Variants in PXDNL observed in about 807,000 individuals in gnomAD.
The protein encoded by PXDNL is peroxidasin like.
A neutral mutation model predicts 150.8 loss-of-function variants in PXDNL; 145 were observed. The ratio of observed to expected loss-of-function variants is 0.96; its 90% CI spans 0.84 to 1.10. The LOEUF (loss-of-function observed/expected upper bound fraction) is 1.10. PXDNL is among the 50% of genes least tolerant of loss of function. The pLI is 0.00. For missense variants in PXDNL, 2,087 were observed against 1,873.9 expected (o/e 1.11, Z -2.10); for synonymous variants, 757 against 725.7 (o/e 1.04, Z -0.69).
intron 1 of PXDNL, among the ~76,000 whole-genome samples, chr8:51,768,753 A>G (rs1466601168): frequency 1.3e-5 from 2 of 152,228 alleles, no homozygotes; most frequent in Non-Finnish European, 2.9e-5. Context: ...TGGTATGTCC[A>G]ACAACCACCA....
intron 1 of PXDNL, among the ~76,000 whole-genome samples, chr8:51,763,344 T>C (rs1467411630): frequency 7.2e-6 from 1 of 139,732 alleles, no homozygotes; most frequent in African/African-American, 2.6e-5. Context: ...AGAACCAAAA[T>C]GGCGGAGTAT....
chr8:51,498,889 G>A (rs150338464), intron 5 of PXDNL, among the ~76,000 whole-genome samples: 16 of 152,210 alleles, frequency 1.1e-4, no homozygotes, highest in African/African-American at 2.6e-4. Context: ...ACATCCATCC[G>A]TGTTGCAGTA....
In PXDNL at chr8:51,339,718, C is replaced by G. The variant is rs779767716; in HGVS notation, c.4052G>C (p.Arg1351Thr). 1.9e-6 allele frequency: 3 copies of G among 1,613,474 alleles called. No individual in the cohort carries two copies. Among genetic ancestry groups the G allele is most frequent in the East Asian group, 2.2e-5 (1 of 44,856 alleles). Residue 1351 changes from arginine to threonine, a missense_variant, in exon 21 of 23, where the codon AGA (arginine) becomes ACA (threonine). Coordinates refer to ENST00000356297, the MANE Select transcript of PXDNL (RefSeq NM_144651.5). ...TGTTTTTGCCAGAACTGTCACATTTCTAGCATCTTCACCCACATATATTTT... is the reference window on the plus strand; with the variant it reads ...TGTTTTTGCCAGAACTGTCACATTTGTAGCATCTTCACCCACATATATTTT... Reference protein sequence around the residue: ...QDKIYVGEDARNVTVLAKTKF... With the variant: ...QDKIYVGEDATNVTVLAKTKF...
intron 5 of PXDNL, among the ~76,000 whole-genome samples, chr8:51,495,873 C>T (rs1399048728): frequency 1.3e-5 from 2 of 152,176 alleles, no homozygotes; most frequent in African/African-American, 4.8e-5. Context: ...TGGTACCATT[C>T]CTTCTGAAAC....
intron 1 of PXDNL, among the ~76,000 whole-genome samples, chr8:51,700,201 A>T (rs1462709526): frequency 6.6e-6 from 1 of 150,938 alleles, no homozygotes; most frequent in Non-Finnish European, 1.5e-5. Flanking sequence ...ACACACCATC[A>T]CACACATATA....
intron 1 of PXDNL, among the ~76,000 whole-genome samples, chr8:51,780,548 CT>C (rs2037401805): frequency 1.3e-5 from 2 of 151,788 alleles, no homozygotes; most frequent in Non-Finnish European, 2.9e-5. Context: ...TAATAAACTA[CT>C]ACCATACGCT....
At chr8:51,381,819 AT>A (rs755101852) in intron 17 of PXDNL, among the ~76,000 whole-genome samples, 4,754 of 145,992 alleles carry the variant, frequency 0.033, 190 homozygotes, top group African/African-American at 0.094. Flanking sequence ...CGCCCAGCTA[AT>A]TTTTTTTTTT....
At chr8:51,804,754 TA>T (rs2037658185) in intron 1 of PXDNL, among the ~76,000 whole-genome samples, 1 of 152,136 alleles carries the variant, frequency 6.6e-6, no homozygotes, top group Non-Finnish European at 1.5e-5. Context: ...TCTAATACTT[TA>T]ATCAGCATAT....
chr8:51,584,468 T>A (rs770102556), intron 3 of PXDNL, among the ~76,000 whole-genome samples: 2 of 152,222 alleles, frequency 1.3e-5, no homozygotes, highest in Non-Finnish European at 2.9e-5. Flanking sequence ...GCTGTGTTCA[T>A]CTATTCCATA....
chr8:51,505,768 G>A (rs765112332), intron 4 of PXDNL, among the ~76,000 whole-genome samples: 31 of 152,216 alleles, frequency 2.0e-4, no homozygotes, highest in Non-Finnish European at 3.8e-4. Flanking sequence ...ACAGAGCTCA[G>A]AGGAAAAGCA....
chr8:51,673,451 A>G (rs1000475625), intron 1 of PXDNL, among the ~76,000 whole-genome samples: 3 of 152,210 alleles, frequency 2.0e-5, no homozygotes, highest in African/African-American at 7.2e-5. Context: ...CATGAGTTAC[A>G]ATAAAAAATA....
chr8:51,582,894 C>T (rs73588783), intron 3 of PXDNL, among the ~76,000 whole-genome samples: 7,691 of 130,172 alleles, frequency 0.059, 437 homozygotes, highest in African/African-American at 0.17. Context: ...AAAAAAAAAT[C>T]CTGGTAAACG....
chr8:51,401,454 G>A (rs558337639), intron 17 of PXDNL, among the ~76,000 whole-genome samples: 1 of 152,276 alleles, frequency 6.6e-6, no homozygotes, highest in Admixed American at 6.5e-5. Context: ...TGGTCCTCCA[G>A]AGGCCCAGCT....
At chr8:51,716,306 G>T (rs910775200) in intron 1 of PXDNL, among the ~76,000 whole-genome samples, 4 of 152,170 alleles carry the variant, frequency 2.6e-5, no homozygotes, top group African/African-American at 9.7e-5. Flanking sequence ...TGCATTTCTG[G>T]CAGCCTTGCT....
chr8:51,756,291 C>A (rs1427695673), intron 1 of PXDNL, among the ~76,000 whole-genome samples: 1 of 151,430 alleles, frequency 6.6e-6, no homozygotes, highest in East Asian at 1.9e-4. Flanking sequence ...ACTCATGAGG[C>A]TGAGGTGGGA....
At chr8:51,479,951 T>C (rs996778241) in intron 6 of PXDNL, among the ~76,000 whole-genome samples, 1 of 152,004 alleles carries the variant, frequency 6.6e-6, no homozygotes, top group African/African-American at 2.4e-5. Context: ...CCAAGAAGAC[T>C]GGGAAGCAGC....
At chr8:51,618,453 C>T (rs750191202) in intron 2 of PXDNL, among the ~76,000 whole-genome samples, 33 of 152,328 alleles carry the variant, frequency 2.2e-4, no homozygotes, top group Non-Finnish European at 4.3e-4. Flanking sequence ...CTCCAGTAAA[C>T]TTTATCTGCT....
intron 5 of PXDNL, among the ~76,000 whole-genome samples, chr8:51,489,917 C>A (rs892727860): frequency 1.3e-5 from 2 of 152,052 alleles, no homozygotes; most frequent in Non-Finnish European, 2.9e-5. Flanking sequence ...GAATGGAGAC[C>A]AGAAACCATG....
At chr8:51,791,003 T>C (rs910180995) in intron 1 of PXDNL, among the ~76,000 whole-genome samples, 11 of 152,046 alleles carry the variant, frequency 7.2e-5, no homozygotes, top group African/African-American at 2.2e-4. Flanking sequence ...CTAGTACTAA[T>C]AGGTGCAGCT....
Sources: allele counts gnomAD v4.1 joint callset (sites outside exome capture counted in the v4.1 genomes callset), GRCh38; gene constraint gnomAD v4.1.1; transcripts MANE v1.5; gene names NCBI Gene and HGNC (gene_info 2026-07-23, HGNC 2026-07-21).